CDH13: variants seen among roughly 807,000 people sequenced by gnomAD.
The protein encoded by CDH13 is cadherin 13.
A neutral mutation model predicts 63.8 loss-of-function variants in CDH13; 24 were observed. The ratio of observed to expected loss-of-function variants is 0.38; its 90% CI spans 0.27 to 0.53. The LOEUF (loss-of-function observed/expected upper bound fraction) is 0.53. Among genes scored for constraint, CDH13 ranks in the 20% least tolerant of loss-of-function variants. CDH13 has a pLI of 0.85. For missense variants in CDH13, 1,049 were observed against 903.1 expected (o/e 1.16, Z -2.07); for synonymous variants, 503 against 355.3 (o/e 1.42, Z -4.67).
rs976011258 is a variant in CDH13 at position 83,152,662 on chromosome 16, G to A, written c.483+27161G>A. On this transcript the variant is annotated intron_variant, in intron 4 of 13. Transcript: ENST00000567109. ...CCTTAGCAATAATATGGGACTATAG[G>A]CAAAAGCAGGACTGTTTTGGACAAA... Among the ~76,000 whole-genome samples the A allele has an allele frequency of 3.9e-5, 6 of 152,194 alleles. No homozygotes were observed. In the South Asian group the frequency reaches 8.3e-4, roughly 21 times the overall value.
Position 83,669,619 on chromosome 16 carries a change from A to G in CDH13, c.1102-1171A>G, listed in dbSNP as rs1297364169. Among the ~76,000 whole-genome samples, 5 of 152,176 alleles carry G rather than the reference A, an allele frequency of 3.3e-5. 1 individual carries two copies. Among genetic ancestry groups the G allele is most frequent in the African/African-American group, 1.2e-4 (5 of 41,436 alleles). ...AACTCGCCCAGGTTTGCCGAGGCGCAATAAACAAATTAGTTGCAGTCCCCG... is the reference window on the plus strand; with the variant it reads ...AACTCGCCCAGGTTTGCCGAGGCGCGATAAACAAATTAGTTGCAGTCCCCG... On this transcript the variant is annotated intron_variant, in intron 8 of 13. Transcript: ENST00000567109.
At chr16:83,176,988 G>T (rs953128975) in intron 4 of CDH13, among the ~76,000 whole-genome samples, 1 of 152,114 alleles carries the variant, frequency 6.6e-6, no homozygotes, top group African/African-American at 2.4e-5. Flanking sequence ...GCCATGATGA[G>T]GCACTGCCAT....
intron 8 of CDH13, among the ~76,000 whole-genome samples, chr16:83,633,693 G>A (rs1166819906): frequency 3.3e-5 from 5 of 152,120 alleles, no homozygotes; most frequent in Admixed American, 6.5e-5. Context: ...CTGGCTTTCC[G>A]TAGCACTTTC....
intron 3 of CDH13, among the ~76,000 whole-genome samples, chr16:83,046,614 A>C (rs1018372664): frequency 1.3e-5 from 2 of 152,196 alleles, no homozygotes; most frequent in Non-Finnish European, 1.5e-5. Context: ...GAAATAGCCC[A>C]CTGGGAAGGC....
chr16:83,173,027 C>A (rs763222650), intron 4 of CDH13, among the ~76,000 whole-genome samples: 1 of 152,194 alleles, frequency 6.6e-6, no homozygotes, highest in Admixed American at 6.5e-5. Flanking sequence ...ATGTTACTAG[C>A]CCTTGCTGGG....
chr16:83,203,381 T>C (rs1043324976), intron 4 of CDH13, among the ~76,000 whole-genome samples: 20 of 151,542 alleles, frequency 1.3e-4, no homozygotes, highest in South Asian at 4.2e-4. Flanking sequence ...TAAAATAACA[T>C]AGTAAAATAA....
intron 1 of CDH13, among the ~76,000 whole-genome samples, chr16:82,650,579 C>G (rs899861127): frequency 3.9e-5 from 6 of 152,136 alleles, no homozygotes; most frequent in African/African-American, 1.4e-4. Flanking sequence ...TGCTGGGCCC[C>G]AAAATGTCCC....
chr16:82,639,221 C>T (rs1909078402), intron 1 of CDH13: 1 of 495,378 alleles, frequency 2.0e-6, no homozygotes, highest in Non-Finnish European at 3.5e-6. Context: ...CCTGGGATGA[C>T]TACTTTTTTG....
At chr16:83,787,305 GT>G (rs1379515271) in intron 13 of CDH13, among the ~76,000 whole-genome samples, 1 of 152,022 alleles carries the variant, frequency 6.6e-6, no homozygotes, top group African/African-American at 2.4e-5. Context: ...CATCTTTATT[GT>G]TTGTTTGTTT....
chr16:82,943,149 C>A (rs1302922640), intron 2 of CDH13, among the ~76,000 whole-genome samples: 2 of 152,176 alleles, frequency 1.3e-5, no homozygotes, highest in African/African-American at 2.4e-5. Flanking sequence ...TTAGCATTTA[C>A]AATTATTGTC....
At chr16:83,509,968 T>A (rs8045135) in intron 7 of CDH13, among the ~76,000 whole-genome samples, 15,824 of 152,124 alleles carry the variant, frequency 0.1, 964 homozygotes, top group African/African-American at 0.17. Context: ...AGCATGGTAT[T>A]GTAGCCAGCG....
chr16:83,376,164 A>G (rs1325383746), intron 6 of CDH13, among the ~76,000 whole-genome samples: 1 of 152,152 alleles, frequency 6.6e-6, no homozygotes, highest in African/African-American at 2.4e-5. Context: ...TATTTTAGCA[A>G]ATGAAGCTGC....
chr16:83,204,185 T>C (rs1415244961), intron 4 of CDH13, among the ~76,000 whole-genome samples: 3 of 152,182 alleles, frequency 2.0e-5, no homozygotes, highest in African/African-American at 7.2e-5. Context: ...GGTTGAGTGC[T>C]CCTACCCAAC....
intron 1 of CDH13, among the ~76,000 whole-genome samples, chr16:82,777,581 T>G (rs1371021097): frequency 6.6e-6 from 1 of 152,228 alleles, no homozygotes; most frequent in African/African-American, 2.4e-5. Context: ...AATCTATGGT[T>G]ATACAACAAA....
intron 2 of CDH13, among the ~76,000 whole-genome samples, chr16:83,006,531 A>T (rs1053584761): frequency 2.0e-5 from 3 of 152,066 alleles, no homozygotes; most frequent in African/African-American, 7.2e-5. Flanking sequence ...TGCTCAGTGC[A>T]GCCTCGATAA....
chr16:83,501,729 G>A (rs932161080), intron 7 of CDH13, among the ~76,000 whole-genome samples: 28 of 152,132 alleles, frequency 1.8e-4, no homozygotes, highest in Admixed American at 5.2e-4. Context: ...CCTCATAGCC[G>A]CTGCTCTATC....
At chr16:82,795,112 G>C (rs1479656409) in intron 1 of CDH13, among the ~76,000 whole-genome samples, 1 of 152,182 alleles carries the variant, frequency 6.6e-6, no homozygotes. Flanking sequence ...TCCTTCACCA[G>C]ATAGTGTGGG....
chr16:83,434,287 C>T (rs190862499), intron 6 of CDH13, among the ~76,000 whole-genome samples: 2 of 152,280 alleles, frequency 1.3e-5, no homozygotes, highest in East Asian at 3.9e-4. Flanking sequence ...ATTTTGAGAC[C>T]TGCGTTCTTG....
At chr16:83,455,681 C>A (rs2073005733) in intron 6 of CDH13, among the ~76,000 whole-genome samples, 2 of 152,154 alleles carry the variant, frequency 1.3e-5, no homozygotes, top group African/African-American at 4.8e-5. Context: ...TATCCCTCTT[C>A]AGAATCCTAT....
Sources: gnomAD v4.1 joint callset for allele counts (sites outside exome capture counted in the v4.1 genomes callset) on GRCh38, gnomAD v4.1.1 for gene constraint, MANE v1.5 for transcripts, NCBI Gene and HGNC (gene_info 2026-07-23, HGNC 2026-07-21) for gene names.